DENND3: variants seen among roughly 807,000 people sequenced by gnomAD.
DENND3 encodes the protein DENN domain containing 3.
A neutral mutation model predicts 135.1 loss-of-function variants in DENND3; 88 were observed. The observed-to-expected ratio is 0.65, with a 90% CI of 0.55 to 0.78. The LOEUF is 0.78. Ranked by LOEUF, DENND3 falls within the 30% of genes least tolerant of loss-of-function variation. The probability of loss-of-function intolerance (pLI) is 0.00; values close to 1 mark genes in which losing one functional copy is unlikely to be tolerated. For missense variants in DENND3, 1,392 were observed against 1,688.4 expected (o/e 0.82, Z 3.08); for synonymous variants, 693 against 712.3 (o/e 0.97, Z 0.43).
Position 141,145,824 on chromosome 8 carries a change from TATATATATATATATA to T in DENND3, c.735+1566_735+1580del, listed in dbSNP as rs1817983227. On this transcript the variant is annotated intron_variant, in intron 5 of 22. Coordinates refer to ENST00000519811, the MANE Select transcript of DENND3 (RefSeq NM_001352890.3). ...AATATTATATATATATATATATATA[TATATATATATATATA>T]TATATATATATGTATTTTTTTTTTT... 9.4e-4 allele frequency among the ~76,000 whole-genome samples: 38 copies of T among 40,386 alleles called. 1 individual carries two copies. The highest frequency in any genetic ancestry group is 3.6e-3 in the African/African-American group (37 of 10,324). 26.5% of individuals were successfully genotyped at this position (40,386 alleles called of 152,430 possible).
At chr8:141,160,497 T>G in intron 8 of DENND3, 135 bp from the exon 9 acceptor site, 2 of 1,169,914 alleles carry the variant, frequency 1.7e-6, no homozygotes, top group Non-Finnish European at 2.3e-6. Context: ...TGTACTTTAA[T>G]GACCACCCGC....
chr8:141,140,979 A>T (rs964371446), intron 3 of DENND3, among the ~76,000 whole-genome samples: 1 of 152,222 alleles, frequency 6.6e-6, no homozygotes, highest in Non-Finnish European at 1.5e-5. Context: ...CTGGGGCAGG[A>T]ATGCATCTTG....
At chr8:141,161,210 G>A (rs1011972344) in intron 9 of DENND3, among the ~76,000 whole-genome samples, 1 of 152,228 alleles carries the variant, frequency 6.6e-6, no homozygotes, top group African/African-American at 2.4e-5. Context: ...GGCTCAGTCC[G>A]TGGAGGGCTC....
At chr8:141,193,961 A>G in intron 22 of DENND3, 72 bp from the exon 23 acceptor site, 1 of 1,515,870 alleles carries the variant, frequency 6.6e-7, no homozygotes, top group Non-Finnish European at 9.0e-7. Flanking sequence ...AATTCTGGGT[A>G]GCCGGGCAAA....
In DENND3 at chr8:141,174,109, AGT is replaced by A. The variant is rs1253169433; in HGVS notation, c.2276-1081_2276-1080del. Among the ~76,000 whole-genome samples the A allele has an allele frequency of 6.6e-6, 1 of 151,604 alleles. No homozygotes were observed. Among genetic ancestry groups the A allele is most frequent in the Non-Finnish European group, 1.5e-5 (1 of 67,892 alleles). On this transcript the variant is annotated intron_variant, in intron 13 of 22. Transcript: ENST00000519811. This position sits in a 1 kb window ranked among gnomAD's most constrained non-coding sequence, Gnocchi z 4.6. ...TTTCCTGGTGTGAGCAGGCAGGATG[AGT>A]GTGTGTGTGCGTGTAACAACACGAC...
At chr8:141,188,147 G>C (rs547543544) in intron 18 of DENND3, among the ~76,000 whole-genome samples, 38 of 151,236 alleles carry the variant, frequency 2.5e-4, no homozygotes, top group South Asian at 4.2e-4. Context: ...AATCGCTTGA[G>C]CCGGGAGGCT....
intron 16 of DENND3, 65 bp from the exon 17 acceptor site, chr8:141,180,682 G>T: frequency 7.0e-7 from 1 of 1,420,970 alleles, no homozygotes; most frequent in Non-Finnish European, 9.8e-7. Context: ...AGTGCGTGAG[G>T]CCGTTGCATC....
intron 4 of DENND3, chr8:141,142,084 G>A (rs1018106830): frequency 3.4e-5 from 10 of 297,280 alleles, no homozygotes; most frequent in African/African-American, 2.3e-4. Flanking sequence ...TGCTGATGGT[G>A]AGTAGAAAGG....
Position 141,128,870 on chromosome 8 carries a change from G to A in DENND3, c.102+61G>A. ...CGAGTCGGCAGCCGGGACAGCAGTC[G>A]GAGAGCGGGCGCCCGGGTGCCCTGT... is the stretch of plus-strand genomic sequence containing the variant. On this transcript the variant is annotated intron_variant, in intron 1 of 22. Coordinates refer to ENST00000519811, the MANE Select transcript of DENND3 (RefSeq NM_001352890.3). The surrounding 1 kb of genome is among the most constrained non-coding windows in gnomAD (Gnocchi z 4.5). The A allele has an allele frequency of 8.0e-6, 10 of 1,256,290 alleles. No individual in the cohort carries two copies. Among genetic ancestry groups the A allele is most frequent in the Non-Finnish European group, 1.0e-5 (10 of 965,128 alleles). 77.8% of individuals were successfully genotyped at this position (1,256,290 alleles called of 1,614,324 possible). A position where few individuals can be genotyped will look rare whatever the true frequency, so the allele number is the denominator to read the frequency against.
intron 7 of DENND3, among the ~76,000 whole-genome samples, chr8:141,152,543 G>C (rs67936891): frequency 0.19 from 28,657 of 152,060 alleles, 3,608 homozygotes; most frequent in East Asian, 0.48. Context: ...CCTCCACGTG[G>C]TAGCATCTCT....
intron 1 of DENND3, among the ~76,000 whole-genome samples, chr8:141,134,951 C>A (rs574769034): frequency 1.3e-5 from 2 of 152,218 alleles, no homozygotes; most frequent in East Asian, 1.9e-4. Context: ...CTGCCTCAGC[C>A]CCCCGCCCGG....
Position 141,175,898 on chromosome 8 carries a change from T to A in DENND3, c.2535+439T>A, listed in dbSNP as rs1036569068. 9.3e-6 allele frequency: 2 copies of A among 214,226 alleles called. No homozygotes were observed. Among genetic ancestry groups the A allele is most frequent in the Admixed American group, 1.1e-4 (2 of 18,736 alleles). The allele number at this position is 214,226 out of a possible 1,614,324, so 13.3% of individuals were successfully genotyped here. ...TGGTTCATATAAAACATAACAAGCT[T>A]ATTTTATAACAATTAAAAAATCTTC... On this transcript the variant is annotated intron_variant, in intron 14 of 22. Transcript: ENST00000519811. This position sits in a 1 kb window ranked among gnomAD's most constrained non-coding sequence, Gnocchi z 5.4.
chr8:141,171,775 G>A (rs1413956952), intron 13 of DENND3, among the ~76,000 whole-genome samples: 2 of 151,728 alleles, frequency 1.3e-5, no homozygotes, highest in African/African-American at 4.8e-5. Context: ...GGCCATGGGT[G>A]TGCAAAGTAG....
At position 141,141,135 on chromosome 8, in the gene DENND3, C is replaced by T; in HGVS notation, c.502-68C>T. Reference sequence around the variant, plus strand: ...GCTTGCTGTGTGCTGAAACGTGACCCAGTTGGAAACAGATACTGGAATTGC... The same window carrying T: ...GCTTGCTGTGTGCTGAAACGTGACCTAGTTGGAAACAGATACTGGAATTGC... On this transcript the variant is annotated intron_variant, in intron 3 of 22. Transcript: ENST00000519811. This position sits in a 1 kb window ranked among gnomAD's most constrained non-coding sequence, Gnocchi z 5.3. 3 of 1,610,286 alleles carry T rather than the reference C, an allele frequency of 1.9e-6. No homozygotes were observed. Among genetic ancestry groups the T allele is most frequent in the Middle Eastern group, 3.3e-4 (2 of 6,048 alleles).
intron 19 of DENND3, among the ~76,000 whole-genome samples, chr8:141,190,015 G>A (rs146169121): frequency 1.3e-3 from 201 of 152,204 alleles, no homozygotes; most frequent in Non-Finnish European, 2.1e-3. Flanking sequence ...AGAGGTGGGC[G>A]TCCCGAGAAA....
chr8:141,131,614 A>G (rs1476800398), intron 1 of DENND3, among the ~76,000 whole-genome samples: 1 of 152,230 alleles, frequency 6.6e-6, no homozygotes, highest in Non-Finnish European at 1.5e-5. Flanking sequence ...GTTGGAGAGC[A>G]ATAAAAAAAT....
At position 141,168,060 on chromosome 8, in the gene DENND3, C is replaced by A. The variant is rs568991109; in HGVS notation, c.1810C>A (p.Pro604Thr). Residue 604 changes from proline (P) to threonine (T), a missense_variant, in exon 13 of 23, where the codon CCG becomes ACG. Pro to Thr is a conservative substitution (Grantham distance 38). Transcript: ENST00000519811. The surrounding 1 kb of genome is among the most constrained non-coding windows in gnomAD (Gnocchi z 6.2). ...YTFKIPEIHF[P>T]LESKCVQAYH... ...ATTCAAGATTCCCGAAATCCACTTT[C>A]CGCTGGAGAGCAAGTGCGTGCAGGC... 5.0e-6 allele frequency: 8 copies of A among 1,613,952 alleles called. No individual in the cohort carries two copies. Among genetic ancestry groups the A allele is most frequent in the Non-Finnish European group, 6.8e-6 (8 of 1,179,998 alleles).
chr8:141,146,743 C>T lies in DENND3; in HGVS notation c.735+2484C>T, dbSNP rs145445969. Among the ~76,000 whole-genome samples the T allele has an allele frequency of 2.3e-4, 35 of 152,294 alleles. No individual in the cohort carries two copies. The East Asian group carries it at 2.9e-3, about 13-fold the overall frequency. ...ATTCCAGTCCAGATACGCAGCAGGC[C>T]ACCCGTCTCTGTCAGCTCTGCTCCC... On this transcript the variant is annotated intron_variant, in intron 5 of 22. Transcript: ENST00000519811. The surrounding 1 kb of genome is among the most constrained non-coding windows in gnomAD (Gnocchi z 4.3).
chr8:141,145,803 T>TTATATATATA (rs60546894), intron 5 of DENND3, among the ~76,000 whole-genome samples: 15 of 87,110 alleles, frequency 1.7e-4, no homozygotes, highest in South Asian at 4.2e-4. Flanking sequence ...ATATTGAATA[T>TTATATATATA]TATATATATA....
Sources: gnomAD v4.1 joint callset for allele counts (sites outside exome capture counted in the v4.1 genomes callset) on GRCh38, gnomAD v4.1.1 for gene constraint, Gnocchi (gnomAD v3.1) non-coding constraint, MANE v1.5 for transcripts, NCBI Gene and HGNC (gene_info 2026-07-23, HGNC 2026-07-21) for gene names.